ZNF804B: variants seen among roughly 807,000 people sequenced by gnomAD.
The protein encoded by ZNF804B is zinc finger protein 804B, also known as zinc finger 804B.
A neutral mutation model predicts 101.4 loss-of-function variants in ZNF804B; 80 were observed. That is an observed-to-expected ratio of 0.79 (90% CI 0.66 to 0.95). ZNF804B has a LOEUF of 0.95. ZNF804B is among the 40% of genes least tolerant of loss of function. The pLI is 0.00. For missense variants in ZNF804B, 1,673 were observed against 1,561.9 expected (o/e 1.07, Z -1.20); for synonymous variants, 622 against 558.8 (o/e 1.11, Z -1.59).
intron 1 of ZNF804B, among the ~76,000 whole-genome samples, chr7:88,872,252 G>T (rs1254685525): frequency 6.6e-6 from 1 of 152,070 alleles, no homozygotes; most frequent in Admixed American, 6.6e-5. Context: ...TAATGGACCT[G>T]TACAAAATTG....
rs181239547 is a variant in ZNF804B at position 89,095,751 on chromosome 7, G to A, written c.109-122404G>A. On this transcript the variant is annotated intron_variant, in intron 1 of 3. Transcript: ENST00000333190. ...GTATAAAATATTTGCATTTACATTT[G>A]TTTCCTGTTAAGTTTTTAAACTCTT... is the stretch of plus-strand genomic sequence containing the variant. Among the ~76,000 whole-genome samples the A allele has an allele frequency of 2.2e-3, 336 of 152,194 alleles. 3 individuals carry two copies. Among genetic ancestry groups the A allele is most frequent in the African/African-American group, 7.8e-3 (322 of 41,512 alleles).
intron 2 of ZNF804B, among the ~76,000 whole-genome samples, chr7:89,289,024 ATAAGT>A (rs1790247479): frequency 1.3e-5 from 2 of 152,232 alleles, no homozygotes; most frequent in African/African-American, 4.8e-5. Flanking sequence ...GTAGACCATA[ATAAGT>A]TAAGAGTGCA....
chr7:89,309,884 T>A (rs1790624695), intron 2 of ZNF804B, among the ~76,000 whole-genome samples: 1 of 149,960 alleles, frequency 6.7e-6, no homozygotes, highest in African/African-American at 2.5e-5. Flanking sequence ...ACAATGCTGG[T>A]CACTTAATCA....
intron 2 of ZNF804B, among the ~76,000 whole-genome samples, chr7:89,221,729 C>G (rs577534635): frequency 1.3e-5 from 2 of 148,358 alleles, no homozygotes; most frequent in South Asian, 2.1e-4. Flanking sequence ...CTATTCTATT[C>G]TATTCTATTC....
chr7:89,184,649 T>G (rs1788349026), intron 1 of ZNF804B, among the ~76,000 whole-genome samples: 1 of 152,190 alleles, frequency 6.6e-6, no homozygotes, highest in Non-Finnish European at 1.5e-5. Flanking sequence ...GATCACTGAT[T>G]TCTGTTGTTT....
At chr7:88,981,292 G>A (rs1793690624) in intron 1 of ZNF804B, among the ~76,000 whole-genome samples, 1 of 152,066 alleles carries the variant, frequency 6.6e-6, no homozygotes, top group South Asian at 2.1e-4. Flanking sequence ...GTCCAGAAAT[G>A]TCTGGGAGCT....
intron 1 of ZNF804B, among the ~76,000 whole-genome samples, chr7:89,029,040 C>T (rs924345124): frequency 3.9e-5 from 6 of 152,174 alleles, no homozygotes; most frequent in African/African-American, 1.4e-4. Flanking sequence ...AACCAGCACA[C>T]ATAAGTGCTT....
At chr7:89,002,881 T>C (rs1361576581) in intron 1 of ZNF804B, among the ~76,000 whole-genome samples, 2 of 152,016 alleles carry the variant, frequency 1.3e-5, no homozygotes, top group African/African-American at 4.8e-5. Context: ...CTACTTTCTA[T>C]GTAAGTACAA....
chr7:88,831,143 C>T (rs1381227611), intron 1 of ZNF804B, among the ~76,000 whole-genome samples: 1 of 151,914 alleles, frequency 6.6e-6, no homozygotes, highest in Non-Finnish European at 1.5e-5. Flanking sequence ...GCAACCATCA[C>T]CACAATTAGT....
intron 1 of ZNF804B, among the ~76,000 whole-genome samples, chr7:88,950,077 TCCTGTTAGA>T (rs1793194619): frequency 6.6e-6 from 1 of 151,940 alleles, no homozygotes; most frequent in Non-Finnish European, 1.5e-5. Flanking sequence ...TGCTAAACTC[TCCTGTTAGA>T]CCTGGTAAAT....
intron 1 of ZNF804B, among the ~76,000 whole-genome samples, chr7:89,145,690 TTCC>T (rs1790780581): frequency 6.6e-6 from 1 of 152,036 alleles, no homozygotes; most frequent in South Asian, 2.1e-4. Context: ...ATATACTTAT[TTCC>T]CACTCTGGAC....
chr7:89,323,193 A>T (rs1790846623), intron 2 of ZNF804B, among the ~76,000 whole-genome samples: 1 of 152,228 alleles, frequency 6.6e-6, no homozygotes, highest in African/African-American at 2.4e-5. Context: ...GTCTGCAGGC[A>T]ACTTGATCTT....
intron 1 of ZNF804B, among the ~76,000 whole-genome samples, chr7:89,018,605 T>G (rs1788609407): frequency 6.6e-6 from 1 of 152,106 alleles, no homozygotes; most frequent in African/African-American, 2.4e-5. Flanking sequence ...TTATTAGTTT[T>G]TCAAAATTTT....
intron 1 of ZNF804B, among the ~76,000 whole-genome samples, chr7:89,091,587 TAAAC>T (rs1789887525): frequency 6.6e-6 from 1 of 152,118 alleles, no homozygotes; most frequent in African/African-American, 2.4e-5. Context: ...CAAAAGCAAA[TAAAC>T]AAGCATTTGA....
intron 2 of ZNF804B, among the ~76,000 whole-genome samples, chr7:89,286,567 A>G (rs1372720297): frequency 6.6e-6 from 1 of 152,206 alleles, no homozygotes; most frequent in African/African-American, 2.4e-5. Context: ...TTTTCAAGAT[A>G]TCGATCCTGG....
At chr7:88,876,787 A>G (rs1317052727) in intron 1 of ZNF804B, among the ~76,000 whole-genome samples, 1 of 143,836 alleles carries the variant, frequency 7.0e-6, no homozygotes, top group African/African-American at 2.7e-5. Context: ...AGGAGTTTTC[A>G]ATATTATGCT....
intron 2 of ZNF804B, among the ~76,000 whole-genome samples, chr7:89,234,115 AT>A (rs1416715971): frequency 6.6e-6 from 1 of 152,176 alleles, no homozygotes; most frequent in Non-Finnish European, 1.5e-5. Flanking sequence ...ACTCAATATA[AT>A]TTTTTGACTT....
At chr7:89,212,290 A>ACACACACAC (rs1491050529) in intron 1 of ZNF804B, among the ~76,000 whole-genome samples, 151 of 97,118 alleles carry the variant, frequency 1.6e-3, no homozygotes, top group South Asian at 4.0e-3. Context: ...CACACACACA[A>ACACACACAC]ACAGACTGCA....
At chr7:88,991,463 T>C (rs1183188895) in intron 1 of ZNF804B, among the ~76,000 whole-genome samples, 10 of 152,310 alleles carry the variant, frequency 6.6e-5, no homozygotes, top group African/African-American at 2.4e-4. Context: ...TGTGACGCTC[T>C]GGAGGGGATC....
Sources: gnomAD v4.1 joint callset for allele counts (sites outside exome capture counted in the v4.1 genomes callset) on GRCh38, gnomAD v4.1.1 for gene constraint, MANE v1.5 for transcripts, NCBI Gene and HGNC (gene_info 2026-07-23, HGNC 2026-07-21) for gene names.